The following OLFM1 variants were observed in gnomAD, a reference collection of about 807,000 sequenced individuals.
OLFM1 encodes the protein olfactomedin 1, also known as noelin.
Under a neutral mutation model 49.7 loss-of-function variants are expected in OLFM1, and 9 were observed. The ratio of observed to expected loss-of-function variants is 0.18; its 90% CI spans 0.11 to 0.32. The LOEUF is 0.32. Ranked by LOEUF, OLFM1 falls within the 10% of genes least tolerant of loss-of-function variation. The pLI is 1.00. For synonymous variants in OLFM1, 240 were observed against 271.8 expected, an observed-to-expected ratio of 0.88 and a Z score of 1.15; for missense variants, 369 against 661.8, an observed-to-expected ratio of 0.56 and a Z score of 4.85.
intron 5 of OLFM1, among the ~76,000 whole-genome samples, chr9:135,118,715 G>A (rs376931479): frequency 4.1e-5 from 6 of 147,116 alleles, no homozygotes; most frequent in East Asian, 2.1e-4. Flanking sequence ...TGCTCACTGG[G>A]TCTCTGGAGT....
intron 1 of OLFM1, chr9:135,077,249 T>C: frequency 6.8e-7 from 1 of 1,478,678 alleles, no homozygotes; most frequent in Non-Finnish European, 9.0e-7. Flanking sequence ...CAAAGGGCTA[T>C]GCCTGTGTCT....
intron 3 of OLFM1, among the ~76,000 whole-genome samples, chr9:135,097,189 A>G (rs1830811174): frequency 6.6e-6 from 1 of 152,236 alleles, no homozygotes; most frequent in Non-Finnish European, 1.5e-5. Context: ...TCTTTTAAAA[A>G]TGATACATTA....
chr9:135,114,861 A>G (rs10117901), intron 5 of OLFM1, among the ~76,000 whole-genome samples: 86,931 of 151,966 alleles, frequency 0.57, 26,715 homozygotes, highest in African/African-American at 0.81. Flanking sequence ...GGAATGAGGC[A>G]GCGGGAACCA....
At chr9:135,075,758 C>A (rs1830455668) in exon 1 of OLFM1, 2 of 1,607,106 alleles carry the variant, frequency 1.2e-6, no homozygotes, top group Admixed American at 3.4e-5. Flanking sequence ...CCGGAAGCTC[C>A]TCAGCCTCCT....
At chr9:135,075,551 C>A (rs1029218762) in exon 1 of OLFM1, 6 of 358,370 alleles carry the variant, frequency 1.7e-5, no homozygotes, top group South Asian at 8.8e-5. Context: ...GCGGAGGCTT[C>A]GCGCAGCAGA....
chr9:135,104,054 G>T (rs905502375), intron 4 of OLFM1, among the ~76,000 whole-genome samples: 8 of 152,192 alleles, frequency 5.3e-5, no homozygotes, highest in Non-Finnish European at 1.0e-4. Flanking sequence ...AGGAAACAGG[G>T]TGAGTGCAGG....
intron 1 of OLFM1, among the ~76,000 whole-genome samples, chr9:135,077,747 C>T (rs144541745): frequency 3.3e-5 from 5 of 152,368 alleles, no homozygotes; most frequent in African/African-American, 9.6e-5. Context: ...AGGCACCTCC[C>T]ACCCTCATGG....
chr9:135,098,085 C>A lies in OLFM1; in HGVS notation c.457-201C>A, dbSNP rs1393269392. ...CTTAAGATGTTGCATTCTAAACTGA[C>A]AATAAAGACCTTTCCCAAATATGCT... is the stretch of plus-strand genomic sequence containing the variant. On this transcript the variant is annotated intron_variant, in intron 3 of 5. Transcript: ENST00000371793. The surrounding 1 kb of genome is among the most constrained non-coding windows in gnomAD (Gnocchi z 5.6). 2.0e-5 allele frequency: 29 copies of A among 1,430,232 alleles called. No individual in the cohort carries two copies. Among genetic ancestry groups the A allele is most frequent in the Admixed American group, 3.0e-5 (1 of 33,662 alleles). 88.6% of individuals were successfully genotyped at this position (1,430,232 alleles called of 1,614,324 possible). A position where few individuals can be genotyped will look rare whatever the true frequency, so the allele number is the denominator to read the frequency against.
Position 135,091,525 on chromosome 9 carries a change from TCA to T in OLFM1, c.300+1186_300+1187del, listed in dbSNP as rs750324708. 2.2e-3 allele frequency among the ~76,000 whole-genome samples: 245 copies of T among 108,958 alleles called. 1 individual carries two copies. Among genetic ancestry groups the T allele is most frequent in the Middle Eastern group, 0.015 (2 of 136 alleles). The allele number at this position is 108,958 out of a possible 152,430, so 71.5% of individuals were successfully genotyped here. ...TTCACACAGTCTCACACACACATAG[TCA>T]CACAGTCACACTCACATAGTCACAC... On this transcript the variant is annotated intron_variant, in intron 2 of 5. Coordinates refer to ENST00000371793, the MANE Select transcript of OLFM1 (RefSeq NM_001282611.2).
chr9:135,082,654 C>T (rs1830547609), intron 1 of OLFM1, among the ~76,000 whole-genome samples: 1 of 152,156 alleles, frequency 6.6e-6, no homozygotes, highest in Non-Finnish European at 1.5e-5. Context: ...GGTTTCCGTT[C>T]CCAGGCCACT....
chr9:135,076,368 G>C, intron 1 of OLFM1: 1 of 1,525,720 alleles, frequency 6.6e-7, no homozygotes, highest in Non-Finnish European at 8.8e-7. Context: ...GGCTTGGGGG[G>C]CTGTGGCCAC....
At chr9:135,081,001 A>G (rs537790555) in intron 1 of OLFM1, among the ~76,000 whole-genome samples, 1 of 151,676 alleles carries the variant, frequency 6.6e-6, no homozygotes, top group South Asian at 2.1e-4. Flanking sequence ...ACTATATAAG[A>G]TAAATAATGT....
intron 5 of OLFM1, among the ~76,000 whole-genome samples, chr9:135,118,827 CTCGCCGGGTCT>C (rs1831139561): frequency 2.0e-5 from 3 of 148,168 alleles, no homozygotes; most frequent in East Asian, 2.1e-4. Context: ...CTTTGGAGTG[CTCGCCGGGTCT>C]TTGGAGTGCT....
chr9:135,108,735 C>T (rs1376458381), intron 5 of OLFM1, among the ~76,000 whole-genome samples: 5 of 152,156 alleles, frequency 3.3e-5, no homozygotes, highest in Non-Finnish European at 5.9e-5. Context: ...GGGGGAAGGA[C>T]GGGGCCTTCA....
chr9:135,079,176 C>T (rs1396562330), intron 1 of OLFM1, among the ~76,000 whole-genome samples: 1 of 152,206 alleles, frequency 6.6e-6, no homozygotes, highest in African/African-American at 2.4e-5. Flanking sequence ...TCATGTGTTT[C>T]AGTGGCAAAA....
Position 135,098,511 on chromosome 9 carries a change from C to T in OLFM1, c.676+6C>T. Reference sequence around the variant, plus strand: ...TGCATGCATGCAAAAACTAGGTAGGCCCAGTACCCTGCGGGACGTGGCGCT... The same window carrying T: ...TGCATGCATGCAAAAACTAGGTAGGTCCAGTACCCTGCGGGACGTGGCGCT... On this transcript the variant is annotated splice_donor_region_variant and intron_variant, in intron 4 of 5. Coordinates refer to ENST00000371793, the MANE Select transcript of OLFM1 (RefSeq NM_001282611.2). The surrounding 1 kb of genome is among the most constrained non-coding windows in gnomAD (Gnocchi z 5.6). The T allele has an allele frequency of 6.2e-7, 1 of 1,610,516 alleles. No homozygotes were observed. Among genetic ancestry groups the T allele is most frequent in the Non-Finnish European group, 8.5e-7 (1 of 1,177,358 alleles).
At chr9:135,091,868 CACACAG>C (rs1588208809) in intron 2 of OLFM1, among the ~76,000 whole-genome samples, 4 of 135,208 alleles carry the variant, frequency 3.0e-5, no homozygotes, top group African/African-American at 8.5e-5. Context: ...CACACACTCA[CACACAG>C]TCACACACAC....
At chr9:135,108,998 A>AC (rs1830985470) in intron 5 of OLFM1, among the ~76,000 whole-genome samples, 1 of 151,212 alleles carries the variant, frequency 6.6e-6, no homozygotes, top group Admixed American at 6.6e-5. Context: ...CAGGAAAACC[A>AC]CCCCACAAAC....
chr9:135,077,438 A>G, intron 1 of OLFM1: 2 of 588,640 alleles, frequency 3.4e-6, no homozygotes, highest in South Asian at 6.2e-5. Context: ...CTGGGGAGAA[A>G]CTTTTGGTTC....
Sources: gnomAD v4.1 joint callset for allele counts (sites outside exome capture counted in the v4.1 genomes callset) on GRCh38, gnomAD v4.1.1 for gene constraint, Gnocchi (gnomAD v3.1) non-coding constraint, MANE v1.5 for transcripts, NCBI Gene and HGNC (gene_info 2026-07-23, HGNC 2026-07-21) for gene names.